The following PAK4 variants were observed in gnomAD, a reference collection of about 807,000 sequenced individuals.
PAK4 encodes serine/threonine-protein kinase PAK 4.
In PAK4, 49 loss-of-function variants were observed where a neutral mutation model predicts 53.5. The ratio of observed to expected loss-of-function variants is 0.92; its 90% CI spans 0.73 to 1.16. The LOEUF (loss-of-function observed/expected upper bound fraction) is 1.16. Among genes scored for constraint, PAK4 ranks in the 50% most tolerant of loss-of-function variants. The pLI, the probability that PAK4 is intolerant of heterozygous loss-of-function variation, is 0.00. For synonymous variants in PAK4, 376 were observed against 375.6 expected, an observed-to-expected ratio of 1.00 and a Z score of -0.01; for missense variants, 824 against 850.7, an observed-to-expected ratio of 0.97 and a Z score of 0.39.
At chr19:39,158,077 TG>T (rs1415206293) in intron 1 of PAK4, among the ~76,000 whole-genome samples, 1 of 76,554 alleles carries the variant, frequency 1.3e-5, no homozygotes, top group East Asian at 4.8e-4. Flanking sequence ...TGAGCATGCA[TG>T]TGTGTGTGTG....
rs2074000590 is a variant in PAK4, at chr19:39,146,450, TG to T, written c.-23+20534del. Among the ~76,000 whole-genome samples, 2 of 152,202 alleles carry T rather than the reference TG, an allele frequency of 1.3e-5. 1 individual carries two copies. Among genetic ancestry groups the T allele is most frequent in the South Asian group, 4.1e-4 (2 of 4,824 alleles). On this transcript the variant is annotated intron_variant, in intron 1 of 8. Coordinates refer to ENST00000358301, the Ensembl canonical transcript of PAK4. ...AATAGCATGTTCAAAGGCTAAAAGT[TG>T]GGAAAGGGTCTGGCATTTTAAATAA...
intron 1 of PAK4, among the ~76,000 whole-genome samples, chr19:39,162,805 G>C (rs1188846744): frequency 6.6e-6 from 1 of 152,198 alleles, no homozygotes; most frequent in African/African-American, 2.4e-5. Context: ...GGTAGACATG[G>C]ACGGGTGCGT....
intron 1 of PAK4, among the ~76,000 whole-genome samples, chr19:39,134,602 T>G (rs1009679988): frequency 2.0e-5 from 3 of 151,532 alleles, no homozygotes; most frequent in African/African-American, 7.3e-5. Flanking sequence ...CTGTATAATA[T>G]TCTTTTTTTT....
chr19:39,175,682 A>C lies in PAK4; in HGVS notation c.1359+244A>C, dbSNP rs1443218461. ...GCCATCAGCACAGGACACTGGGCCC[A>C]GGGGCAGGGATCTGGGCAGACAGCG... is the stretch of plus-strand genomic sequence containing the variant. On this transcript the variant is annotated intron_variant, in intron 6 of 8. Transcript: ENST00000358301. The surrounding 1 kb of genome is among the most constrained non-coding windows in gnomAD (Gnocchi z 4.7). Among the ~76,000 whole-genome samples, 3 of 152,030 alleles carry C rather than the reference A, an allele frequency of 2.0e-5. No homozygotes were observed. Among genetic ancestry groups the C allele is most frequent in the African/African-American group, 7.3e-5 (3 of 41,362 alleles).
chr19:39,135,942 A>G (rs1435290283), intron 1 of PAK4, among the ~76,000 whole-genome samples: 33 of 150,904 alleles, frequency 2.2e-4, no homozygotes, highest in Non-Finnish European at 8.9e-5. Flanking sequence ...CTGTCACTCT[A>G]CATGACAATG....
Position 39,178,824 on chromosome 19 carries a change from C to A in PAK4, c.*245C>A. On this transcript the variant is annotated 3_prime_UTR_variant, in exon 9 of 9. Transcript: ENST00000358301. The surrounding 1 kb of genome is among the most constrained non-coding windows in gnomAD (Gnocchi z 4.4). ...CAGGACCCCCACCCTCTGGGACAGG[C>A]CCTCCCCCATGTTCTTCTGTCTCCA... is the stretch of plus-strand genomic sequence containing the variant. 2.1e-6 allele frequency: 1 copy of A among 468,824 alleles called. No individual in the cohort carries two copies. 29.0% of individuals were successfully genotyped at this position (468,824 alleles called of 1,614,324 possible).
exon 3 of PAK4, chr19:39,172,937 A>G (rs1171458355): frequency 1.3e-6 from 2 of 1,540,480 alleles, no homozygotes; most frequent in South Asian, 1.2e-5. Context: ...CGGGGCAGCA[A>G]AGGTGCCAAA....
Position 39,175,474 on chromosome 19 carries a change from GT to G in PAK4, c.1359+39del. 6.4e-7 allele frequency: 1 copy of G among 1,572,076 alleles called. No individual in the cohort carries two copies. Among genetic ancestry groups the G allele is most frequent in the Non-Finnish European group, 8.6e-7 (1 of 1,156,718 alleles). On this transcript the variant is annotated intron_variant, in intron 6 of 8. Transcript: ENST00000358301. This position sits in a 1 kb window ranked among gnomAD's most constrained non-coding sequence, Gnocchi z 4.7. ...GGGCGGCGGGGTACGGGGGCGGCAG[GT>G]TTCCGGCTGCGGGGCTTCCCTGCCT...
Position 39,173,428 on chromosome 19 carries a change from C to G in PAK4, c.663+52C>G. On this transcript the variant is annotated intron_variant, in intron 3 of 8. Coordinates refer to ENST00000358301, the Ensembl canonical transcript of PAK4. This position sits in a 1 kb window ranked among gnomAD's most constrained non-coding sequence, Gnocchi z 6.9. ...CCACTGTCCCCTGCCCGTTGCTCCT[C>G]TGTCCCCACCTTCCAGCCCCGCCCC... The G allele has an allele frequency of 7.1e-7, 1 of 1,417,350 alleles. No homozygotes were observed. Among genetic ancestry groups the G allele is most frequent in the Non-Finnish European group, 9.4e-7 (1 of 1,059,836 alleles). The allele number at this position is 1,417,350 out of a possible 1,614,324, so 87.8% of individuals were successfully genotyped here.
intron 4 of PAK4, 127 bp from the exon 6 acceptor site, chr19:39,174,804 T>C: frequency 2.8e-6 from 3 of 1,079,022 alleles, no homozygotes. Flanking sequence ...GGGAGGGCAG[T>C]CCAGGTGGCC....
At chr19:39,169,682 C>A (rs373656030) in exon 2 of PAK4, 2 of 1,613,008 alleles carry the variant, frequency 1.2e-6, no homozygotes, top group South Asian at 1.1e-5. Flanking sequence ...AGAGCCTGAT[C>A]GAGGAGTCGG....
At chr19:39,164,028 A>G (rs1465178090) in intron 1 of PAK4, among the ~76,000 whole-genome samples, 3 of 152,114 alleles carry the variant, frequency 2.0e-5, no homozygotes, top group Non-Finnish European at 4.4e-5. Flanking sequence ...TGTAATCCCA[A>G]CACTTTGGGA....
chr19:39,167,234 T>G (rs1207140706), intron 1 of PAK4, among the ~76,000 whole-genome samples: 2 of 152,002 alleles, frequency 1.3e-5, no homozygotes, highest in African/African-American at 4.8e-5. Context: ...GGGAGCGGGA[T>G]GGGGCGGGGC....
intron 2 of PAK4, among the ~76,000 whole-genome samples, chr19:39,169,967 A>G: frequency 9.8e-6 from 1 of 102,162 alleles, no homozygotes. Context: ...TGCCACCCCA[A>G]CCTGAGCCTC....
intron 1 of PAK4, among the ~76,000 whole-genome samples, chr19:39,165,063 C>G (rs1399413562): frequency 6.6e-6 from 1 of 151,672 alleles, no homozygotes; most frequent in Non-Finnish European, 1.5e-5. Flanking sequence ...ACAGGTCACA[C>G]AGGAGGGAGG....
intron 1 of PAK4, among the ~76,000 whole-genome samples, chr19:39,129,473 C>T (rs1049697108): frequency 7.2e-5 from 11 of 152,316 alleles, no homozygotes; most frequent in Non-Finnish European, 1.3e-4. Context: ...CCCCGCTTTC[C>T]TAGCGGTTGC....
intron 1 of PAK4, among the ~76,000 whole-genome samples, chr19:39,163,588 G>A (rs1409720164): frequency 6.6e-6 from 1 of 152,200 alleles, no homozygotes; most frequent in East Asian, 1.9e-4. Flanking sequence ...TGTCTGCTAG[G>A]CCAGGTCAAC....
At chr19:39,134,690 C>T (rs1317478561) in intron 1 of PAK4, among the ~76,000 whole-genome samples, 1 of 150,736 alleles carries the variant, frequency 6.6e-6, no homozygotes, top group South Asian at 2.1e-4. Flanking sequence ...GCCTCTGCCT[C>T]CTGGGTTCAA....
At chr19:39,127,477 C>T (rs1327819465) in intron 1 of PAK4, among the ~76,000 whole-genome samples, 1 of 152,112 alleles carries the variant, frequency 6.6e-6, no homozygotes, top group African/African-American at 2.4e-5. Flanking sequence ...CCTTACCTCC[C>T]TCCTTACCTT....
Sources: allele counts gnomAD v4.1 joint callset (sites outside exome capture counted in the v4.1 genomes callset), GRCh38; gene constraint gnomAD v4.1.1; non-coding constraint Gnocchi (gnomAD v3.1); transcripts MANE v1.5; gene names NCBI Gene and HGNC (gene_info 2026-07-23, HGNC 2026-07-21).